The following TMEFF2 variants were observed in gnomAD, a reference collection of about 807,000 sequenced individuals.
TMEFF2 encodes the protein tomoregulin-2.
In TMEFF2, 28 loss-of-function variants were observed where a neutral mutation model predicts 53.8. That is an observed-to-expected ratio of 0.52 (90% CI 0.39 to 0.71). The LOEUF is 0.71. Among genes scored for constraint, TMEFF2 ranks in the 30% least tolerant of loss-of-function variants. The pLI is 0.00. For missense variants in TMEFF2, 353 were observed against 455.2 expected (o/e 0.78, Z 2.04); for synonymous variants, 162 against 166.3 (o/e 0.97, Z 0.20).
intron 4 of TMEFF2, among the ~76,000 whole-genome samples, chr2:192,169,059 G>C (rs939163135): frequency 6.6e-6 from 1 of 152,004 alleles, no homozygotes; most frequent in Non-Finnish European, 1.5e-5. Context: ...CATTGGTTCA[G>C]CTGAGCAAAT....
intron 4 of TMEFF2, among the ~76,000 whole-genome samples, chr2:192,169,053 G>T (rs1349658867): frequency 2.6e-5 from 4 of 151,930 alleles, no homozygotes; most frequent in Non-Finnish European, 4.4e-5. Context: ...TTAATGCATT[G>T]GTTCAGCTGA....
At chr2:191,999,506 T>C (rs1686305722) in intron 5 of TMEFF2, among the ~76,000 whole-genome samples, 1 of 152,024 alleles carries the variant, frequency 6.6e-6, no homozygotes, top group Non-Finnish European at 1.5e-5. Flanking sequence ...TCCATGCTGA[T>C]ATCTGCAGAA....
At chr2:191,992,735 T>A (rs1000304724) in intron 7 of TMEFF2, 2 of 152,076 alleles carry the variant, frequency 1.3e-5, no homozygotes, top group African/African-American at 4.8e-5. Flanking sequence ...CTTTCTCTTC[T>A]CTATGTGGAA....
chr2:191,950,018 T>G lies in TMEFF2; in HGVS notation c.*293A>C. The G allele has an allele frequency of 8.9e-7, 1 of 1,118,852 alleles. No homozygotes were observed. The highest frequency in any genetic ancestry group is 1.6e-5 in the African/African-American group (1 of 61,070). The allele number at this position is 1,118,852 out of a possible 1,614,324, so 69.3% of individuals were successfully genotyped here. On this transcript the variant is annotated 3_prime_UTR_variant, in exon 10 of 10. Transcript: ENST00000272771. ...ATACCGCAAATTTAAGAATGCCAAT[T>G]TTTTCTCATCACTGAGTATTTATTA...
At chr2:192,085,630 T>C (rs1418241025) in intron 4 of TMEFF2, among the ~76,000 whole-genome samples, 2 of 151,344 alleles carry the variant, frequency 1.3e-5, no homozygotes, top group Admixed American at 1.3e-4. Flanking sequence ...CTGCACTCTA[T>C]ATCTAATAAC....
intron 4 of TMEFF2, among the ~76,000 whole-genome samples, chr2:192,146,592 C>A (rs1690255419): frequency 6.6e-6 from 1 of 151,936 alleles, no homozygotes; most frequent in African/African-American, 2.4e-5. Flanking sequence ...ATGTGAATAT[C>A]CTATTTTCTG....
chr2:191,956,212 A>G, intron 8 of TMEFF2, 43 bp downstream of exon 8: 2 of 1,552,836 alleles, frequency 1.3e-6, no homozygotes, highest in Non-Finnish European at 1.7e-6. Flanking sequence ...GTTTCTACAT[A>G]TTAACTTTAT....
At chr2:192,091,887 C>A (rs896715105) in intron 4 of TMEFF2, among the ~76,000 whole-genome samples, 3 of 151,952 alleles carry the variant, frequency 2.0e-5, no homozygotes, top group African/African-American at 7.3e-5. Context: ...GTGCTGAAAC[C>A]CTGTCCTCAC....
chr2:192,145,339 A>G (rs1212401909), intron 4 of TMEFF2, among the ~76,000 whole-genome samples: 1 of 152,000 alleles, frequency 6.6e-6, no homozygotes, highest in African/African-American at 2.4e-5. Flanking sequence ...ACTTTTAAAT[A>G]TGTGTGCATT....
intron 4 of TMEFF2, among the ~76,000 whole-genome samples, chr2:192,133,683 C>T (rs181147538): frequency 8.5e-5 from 13 of 152,276 alleles, no homozygotes; most frequent in Admixed American, 5.9e-4. Flanking sequence ...TTCTTTACTA[C>T]TCCTTTGCAC....
chr2:192,048,395 C>G (rs893904710), intron 5 of TMEFF2, among the ~76,000 whole-genome samples: 3 of 151,090 alleles, frequency 2.0e-5, no homozygotes, highest in African/African-American at 7.3e-5. Context: ...CACACACACA[C>G]AGAAAATATA....
At position 192,103,137 on chromosome 2, in the gene TMEFF2, A is replaced by G. The variant is rs180792184; in HGVS notation, c.440-45362T>C. ...AATGATACTCACTGTCCTATAACTC[A>G]GTGTTTCATCGAACGTGGTACTTCT... On this transcript the variant is annotated intron_variant, in intron 4 of 9. Coordinates refer to ENST00000272771, the MANE Select transcript of TMEFF2 (RefSeq NM_016192.4). 4.3e-3 allele frequency among the ~76,000 whole-genome samples: 653 copies of G among 152,208 alleles called. 5 individuals are homozygous for G. Among genetic ancestry groups the G allele is most frequent in the Middle Eastern group, 6.8e-3 (2 of 294 alleles).
intron 4 of TMEFF2, among the ~76,000 whole-genome samples, chr2:192,133,460 C>T (rs896734060): frequency 2.0e-5 from 3 of 152,216 alleles, no homozygotes; most frequent in Admixed American, 6.5e-5. Context: ...TCGTCTGCTA[C>T]AGCATGGCCT....
intron 4 of TMEFF2, among the ~76,000 whole-genome samples, chr2:192,113,874 T>C (rs1369207444): frequency 6.6e-5 from 10 of 152,104 alleles, no homozygotes; most frequent in Non-Finnish European, 1.3e-4. Context: ...CCCCATTGCA[T>C]TGATGGCAAC....
intron 4 of TMEFF2, among the ~76,000 whole-genome samples, chr2:192,171,460 T>C (rs1690911806): frequency 6.6e-6 from 1 of 151,934 alleles, no homozygotes; most frequent in African/African-American, 2.4e-5. Flanking sequence ...ACCAGTCAGA[T>C]TACAACATTC....
intron 4 of TMEFF2, among the ~76,000 whole-genome samples, chr2:192,111,712 T>C (rs569833380): frequency 2.0e-5 from 3 of 152,270 alleles, no homozygotes; most frequent in Non-Finnish European, 4.4e-5. Context: ...TCACAGAACT[T>C]TGTGGCAGCC....
intron 3 of TMEFF2, among the ~76,000 whole-genome samples, chr2:192,181,403 G>T (rs1329141768): frequency 6.6e-6 from 1 of 151,668 alleles, no homozygotes; most frequent in African/African-American, 2.4e-5. Context: ...ACTTCTTTAA[G>T]TCAAGGAAAA....
chr2:192,188,309 A>C (rs774673903), intron 2 of TMEFF2, among the ~76,000 whole-genome samples: 2 of 152,154 alleles, frequency 1.3e-5, no homozygotes, highest in Admixed American at 6.5e-5. Flanking sequence ...TTCTCTCTGG[A>C]TGCTTGACTT....
intron 4 of TMEFF2, among the ~76,000 whole-genome samples, chr2:192,158,788 G>A (rs1033188120): frequency 3.9e-5 from 6 of 152,184 alleles, no homozygotes; most frequent in African/African-American, 7.2e-5. Context: ...ATTGTGCATC[G>A]TATGCTTGTC....
Sources: allele counts gnomAD v4.1 joint callset (sites outside exome capture counted in the v4.1 genomes callset), GRCh38; gene constraint gnomAD v4.1.1; transcripts MANE v1.5; gene names NCBI Gene and HGNC (gene_info 2026-07-23, HGNC 2026-07-21).